DLGAP1: variants seen among roughly 807,000 people sequenced by gnomAD.
The protein encoded by DLGAP1 is disks large-associated protein 1.
In DLGAP1, 11 loss-of-function variants were observed where a neutral mutation model predicts 90.8. That is an observed-to-expected ratio of 0.12 (90% CI 0.08 to 0.20). DLGAP1 has a LOEUF of 0.20. Among genes scored for constraint, DLGAP1 ranks in the 10% least tolerant of loss-of-function variants. The pLI, the probability that DLGAP1 is intolerant of heterozygous loss-of-function variation, is 1.00. For synonymous variants in DLGAP1, 558 were observed against 540.7 expected (o/e 1.03, Z -0.44); for missense variants, 1,050 against 1,333.8 (o/e 0.79, Z 3.31).
chr18:4,278,277 T>C (rs1332311858), intron 1 of DLGAP1, among the ~76,000 whole-genome samples: 1 of 152,192 alleles, frequency 6.6e-6, no homozygotes, highest in Non-Finnish European at 1.5e-5. Flanking sequence ...TGCTTACATC[T>C]GCCTTTTATT....
At chr18:3,697,714 T>G (rs2061142622) in intron 7 of DLGAP1, among the ~76,000 whole-genome samples, 1 of 151,462 alleles carries the variant, frequency 6.6e-6, no homozygotes, top group Non-Finnish European at 1.5e-5. Flanking sequence ...CACTTGGTCC[T>G]AATAGACCAA....
At chr18:3,923,112 C>T (rs1359392298) in intron 3 of DLGAP1, among the ~76,000 whole-genome samples, 2 of 124,584 alleles carry the variant, frequency 1.6e-5, no homozygotes, top group Admixed American at 1.1e-4. Flanking sequence ...CCAGCCTGGG[C>T]GACAGAGAGA....
rs117498936 is a variant in DLGAP1, at chr18:3,509,260, G to A, written c.2480-599C>T. On this transcript the variant is annotated intron_variant, in intron 10 of 12. Coordinates refer to ENST00000315677, the MANE Select transcript of DLGAP1 (RefSeq NM_004746.4). ...ATTTTCTAAGGAGCGAACATGTTCA[G>A]CCTGTGGCCTAGAAAACGCCAGGGC... 4.6e-5 allele frequency among the ~76,000 whole-genome samples: 7 copies of A among 152,318 alleles called. No individual in the cohort carries two copies. The East Asian group carries it at 1.3e-3, about 29-fold the overall frequency.
intron 3 of DLGAP1, among the ~76,000 whole-genome samples, chr18:3,903,996 G>A (rs186224640): frequency 3.6e-4 from 55 of 152,254 alleles, no homozygotes; most frequent in African/African-American, 7.2e-4. Flanking sequence ...GGTTACTTTC[G>A]TAAGGAAACA....
intron 2 of DLGAP1, among the ~76,000 whole-genome samples, chr18:4,043,735 T>C (rs1427087028): frequency 6.6e-6 from 1 of 152,172 alleles, no homozygotes; most frequent in East Asian, 1.9e-4. Context: ...TTTCCCTTTG[T>C]GTGTATCCTT....
At chr18:4,354,687 C>T (rs141912631) in intron 1 of DLGAP1, among the ~76,000 whole-genome samples, 1 of 151,836 alleles carries the variant, frequency 6.6e-6, no homozygotes. Context: ...TTTGCCCCTA[C>T]ACTGCTCCTC....
intron 1 of DLGAP1, among the ~76,000 whole-genome samples, chr18:4,315,157 C>G (rs2080496611): frequency 6.6e-6 from 1 of 152,164 alleles, no homozygotes; most frequent in South Asian, 2.1e-4. Flanking sequence ...TGCTTAACCT[C>G]AATTTCCTCA....
chr18:3,919,628 G>C (rs537489708), intron 3 of DLGAP1, among the ~76,000 whole-genome samples: 1 of 152,320 alleles, frequency 6.6e-6, no homozygotes, highest in South Asian at 2.1e-4. Flanking sequence ...TAGGTATTAA[G>C]GTGATAAGTT....
intron 1 of DLGAP1, among the ~76,000 whole-genome samples, chr18:4,389,635 C>T (rs2082301329): frequency 1.3e-5 from 2 of 152,134 alleles, no homozygotes; most frequent in South Asian, 4.1e-4. Context: ...TCTTCTTTAT[C>T]TTCATGGATT....
intron 2 of DLGAP1, among the ~76,000 whole-genome samples, chr18:4,053,272 T>C (rs940344017): frequency 8.5e-5 from 13 of 152,156 alleles, no homozygotes; most frequent in African/African-American, 1.2e-4. Context: ...ATAATCATGG[T>C]AGATGGGGAA....
intron 7 of DLGAP1, among the ~76,000 whole-genome samples, chr18:3,726,093 T>C (rs1460886666): frequency 1.3e-5 from 2 of 152,334 alleles, no homozygotes; most frequent in Middle Eastern, 3.4e-3. Context: ...ATGAGGAATT[T>C]TTTTAGGACA....
At chr18:3,862,874 G>A (rs1016681049) in intron 4 of DLGAP1, among the ~76,000 whole-genome samples, 49 of 152,238 alleles carry the variant, frequency 3.2e-4, no homozygotes, top group Non-Finnish European at 6.5e-4. Context: ...CAAGCAGGGC[G>A]GCCCTCGCCC....
chr18:4,338,411 C>G (rs1012279457), intron 1 of DLGAP1, among the ~76,000 whole-genome samples: 2 of 152,106 alleles, frequency 1.3e-5, no homozygotes, highest in African/African-American at 4.8e-5. Flanking sequence ...TACCAAGTGT[C>G]AATAGTTGGG....
rs535506650 is a variant in DLGAP1 at position 3,683,919 on chromosome 18, C to T, written c.1591+45216G>A. Among the ~76,000 whole-genome samples the T allele has an allele frequency of 1.1e-4, 16 of 152,070 alleles. No homozygotes were observed. In the South Asian group the frequency reaches 3.1e-3, roughly 30 times the overall value. ...ATCTTAATGAAAAAATTTCATCTTG[C>T]TCTTAAGATGGAGCAAGTAATATCT... On this transcript the variant is annotated intron_variant, in intron 7 of 12. Coordinates refer to ENST00000315677, the MANE Select transcript of DLGAP1 (RefSeq NM_004746.4).
chr18:3,694,137 G>T (rs1364341820), intron 7 of DLGAP1, among the ~76,000 whole-genome samples: 1 of 150,812 alleles, frequency 6.6e-6, no homozygotes, highest in Non-Finnish European at 1.5e-5. Context: ...AACATGTTGT[G>T]TTTGGTTTTC....
At chr18:4,233,240 C>A (rs2078336508) in intron 1 of DLGAP1, among the ~76,000 whole-genome samples, 1 of 152,078 alleles carries the variant, frequency 6.6e-6, no homozygotes, top group African/African-American at 2.4e-5. Context: ...CTATCCCTGG[C>A]CCCGATCTAA....
intron 1 of DLGAP1, among the ~76,000 whole-genome samples, chr18:4,156,088 C>T (rs569160367): frequency 5.2e-4 from 79 of 152,254 alleles, no homozygotes; most frequent in African/African-American, 1.5e-3. Flanking sequence ...AGATTTCTGG[C>T]CTAAGCAACT....
At chr18:3,614,777 A>G (rs1361471170) in intron 7 of DLGAP1, among the ~76,000 whole-genome samples, 2 of 144,934 alleles carry the variant, frequency 1.4e-5, no homozygotes, top group African/African-American at 5.1e-5. Context: ...TGATCCCGGG[A>G]GGCAGATGTT....
intron 4 of DLGAP1, among the ~76,000 whole-genome samples, chr18:3,850,760 C>T (rs1218401966): frequency 1.3e-5 from 2 of 152,122 alleles, no homozygotes; most frequent in African/African-American, 4.8e-5. Context: ...CTTAAAGAAG[C>T]AACCCACATT....
Sources: allele counts gnomAD v4.1 joint callset (sites outside exome capture counted in the v4.1 genomes callset), GRCh38; gene constraint gnomAD v4.1.1; transcripts MANE v1.5; gene names NCBI Gene and HGNC (gene_info 2026-07-23, HGNC 2026-07-21).